Variants in PJA2 observed in about 807,000 individuals in gnomAD.
PJA2 encodes praja ring finger ubiquitin ligase 2, also known as E3 ubiquitin-protein ligase Praja-2.
In PJA2, 25 loss-of-function variants were observed where a neutral mutation model predicts 69.3. That is an observed-to-expected ratio of 0.36 (90% CI 0.26 to 0.50). The LOEUF is 0.50. Among genes scored for constraint, PJA2 ranks in the 20% least tolerant of loss-of-function variants. The pLI is 0.96. For synonymous variants in PJA2, 308 were observed against 277.8 expected, an observed-to-expected ratio of 1.11 and a Z score of -1.08; for missense variants, 809 against 830.2, an observed-to-expected ratio of 0.97 and a Z score of 0.31.
chr5:109,340,930 G>A (rs1312976123), intron 9 of PJA2, among the ~76,000 whole-genome samples: 2 of 120,958 alleles, frequency 1.7e-5, no homozygotes, highest in Non-Finnish European at 3.9e-5. Context: ...ACGGAGTCTC[G>A]TTCACTCAGT....
At chr5:109,390,696 T>C (rs1241757632) in intron 1 of PJA2, 1 of 152,078 alleles carries the variant, frequency 6.6e-6, no homozygotes, top group Non-Finnish European at 1.5e-5. Context: ...TTTTTTATTA[T>C]TCCATTTCAT....
chr5:109,365,267 G>A (rs1175747187), intron 5 of PJA2, among the ~76,000 whole-genome samples: 1 of 152,130 alleles, frequency 6.6e-6, no homozygotes, highest in Non-Finnish European at 1.5e-5. Context: ...AACTTTATAC[G>A]AGCTTCTTAG....
At chr5:109,340,617 TCC>T (rs1456465822) in intron 9 of PJA2, among the ~76,000 whole-genome samples, 3 of 2,678 alleles carry the variant, frequency 1.1e-3, no homozygotes, top group Non-Finnish European at 1.3e-3. Flanking sequence ...ATTTATTGGG[TCC>T]CTCCCCCTCC....
At chr5:109,348,731 A>G (rs1194452479) in intron 7 of PJA2, among the ~76,000 whole-genome samples, 1 of 152,182 alleles carries the variant, frequency 6.6e-6, no homozygotes, top group Non-Finnish European at 1.5e-5. Context: ...TACCAAGTAA[A>G]GAATCCTAAC....
At chr5:109,371,125 C>T (rs1045268281) in intron 4 of PJA2, among the ~76,000 whole-genome samples, 1 of 152,046 alleles carries the variant, frequency 6.6e-6, no homozygotes, top group Non-Finnish European at 1.5e-5. Flanking sequence ...TCACCAAAGC[C>T]TAAAATATTT....
In PJA2 at chr5:109,337,177, G is replaced by C. The variant is rs1561336962; in HGVS notation, c.*54C>G. ...TATAATTATTTGCACATGAAATTTA[G>C]AAGGAATTTGCAGATTTACTTTGAT... is the stretch of plus-strand genomic sequence containing the variant. On this transcript the variant is annotated 3_prime_UTR_variant, in exon 10 of 10. Coordinates refer to ENST00000361189, the MANE Select transcript of PJA2 (RefSeq NM_014819.5). 2.0e-6 allele frequency: 3 copies of C among 1,537,398 alleles called. No homozygotes were observed. In the African/African-American group the frequency reaches 4.2e-5, roughly 21 times the overall value.
intron 6 of PJA2, among the ~76,000 whole-genome samples, chr5:109,361,005 G>A (rs1322010231): frequency 6.6e-6 from 1 of 152,116 alleles, no homozygotes; most frequent in Non-Finnish European, 1.5e-5. Flanking sequence ...GCAGGCGCCT[G>A]TAATCCCAGC....
At chr5:109,372,782 G>A (rs1431304865) in intron 4 of PJA2, among the ~76,000 whole-genome samples, 1 of 151,712 alleles carries the variant, frequency 6.6e-6, no homozygotes, top group East Asian at 1.9e-4. Flanking sequence ...GCGCATGCCT[G>A]TAATCCCAGC....
At chr5:109,366,854 A>G (rs1762591678) in intron 5 of PJA2, among the ~76,000 whole-genome samples, 1 of 152,186 alleles carries the variant, frequency 6.6e-6, no homozygotes, top group Admixed American at 6.5e-5. Flanking sequence ...TCATGAGGCC[A>G]GGCGTGCTGG....
chr5:109,364,029 T>C (rs187398), intron 5 of PJA2, among the ~76,000 whole-genome samples: 66,036 of 151,912 alleles, frequency 0.43, 17,634 homozygotes, highest in Non-Finnish European at 0.59. Context: ...CCTAATTCCA[T>C]CTACTCAGGA....
At position 109,378,972 on chromosome 5, in the gene PJA2, C is replaced by T; in HGVS notation, c.515G>A (p.Gly172Asp). The change falls in exon 4 of 10, where the codon GGC becomes GAC. Residue 172 changes from glycine to aspartate, a missense_variant. This residue lies in a region of PJA2 where 700 missense variants were observed against 639.5 expected (regional missense o/e 1.09). Transcript: ENST00000361189. ...ATGGTCATTATCTTCTCCATGTTTG[C>T]CATCTGGATCATAAGAGTCTGTATG... ...LVHTDSYDPD[G>D]KHGEDNDHLQ... 6.2e-7 allele frequency: 1 copy of T among 1,614,148 alleles called. No individual in the cohort carries two copies. Among genetic ancestry groups the T allele is most frequent in the African/African-American group, 1.3e-5 (1 of 75,042 alleles).
intron 1 of PJA2, among the ~76,000 whole-genome samples, chr5:109,407,719 G>A (rs1747722488): frequency 6.6e-6 from 1 of 152,102 alleles, no homozygotes; most frequent in African/African-American, 2.4e-5. Flanking sequence ...AACAGAGAGA[G>A]AGAAATGTTA....
chr5:109,352,740 C>T (rs1762275897), intron 7 of PJA2, among the ~76,000 whole-genome samples: 2 of 151,828 alleles, frequency 1.3e-5, no homozygotes, highest in South Asian at 4.1e-4. Context: ...CATGTATATG[C>T]ATGCATGTGT....
At chr5:109,409,514 G>T (rs1488979092) in intron 1 of PJA2, among the ~76,000 whole-genome samples, 1 of 152,140 alleles carries the variant, frequency 6.6e-6, no homozygotes, top group Non-Finnish European at 1.5e-5. Flanking sequence ...AAGTCACCAA[G>T]GACAGCAGAA....
chr5:109,367,830 G>T (rs1344804279), intron 5 of PJA2, among the ~76,000 whole-genome samples: 1 of 152,136 alleles, frequency 6.6e-6, no homozygotes, highest in African/African-American at 2.4e-5. Flanking sequence ...CAGGGCAAAA[G>T]TAAAAAACCA....
intron 1 of PJA2, among the ~76,000 whole-genome samples, chr5:109,389,687 T>C (rs1747238155): frequency 6.6e-6 from 1 of 152,044 alleles, no homozygotes; most frequent in African/African-American, 2.4e-5. Context: ...GATAGGAGCT[T>C]AGACTACTGA....
intron 5 of PJA2, among the ~76,000 whole-genome samples, chr5:109,364,080 T>C (rs994344233): frequency 6.6e-6 from 1 of 152,008 alleles, no homozygotes; most frequent in African/African-American, 2.4e-5. Context: ...GAGGCAGAGG[T>C]TGCAGTGAGC....
intron 1 of PJA2, among the ~76,000 whole-genome samples, chr5:109,401,397 C>G (rs1747542745): frequency 6.6e-6 from 1 of 151,802 alleles, no homozygotes; most frequent in African/African-American, 2.4e-5. Context: ...AAGCTCAAGG[C>G]TATAGTGAGA....
At chr5:109,344,859 T>C in intron 7 of PJA2, 40 bp from the exon 8 acceptor site, 2 of 1,313,194 alleles carry the variant, frequency 1.5e-6, no homozygotes, top group Non-Finnish European at 2.2e-6. Flanking sequence ...AGAAATACTT[T>C]AAAACAGTAA....
Sources: gnomAD v4.1 joint callset for allele counts (sites outside exome capture counted in the v4.1 genomes callset) on GRCh38, gnomAD v4.1.1 for gene constraint, gnomAD v4.1.1 regional missense constraint, MANE v1.5 for transcripts, NCBI Gene and HGNC (gene_info 2026-07-23, HGNC 2026-07-21) for gene names.